LRRTM3: variants seen among roughly 807,000 people sequenced by gnomAD.
The protein encoded by LRRTM3 is leucine rich repeat transmembrane neuronal 3, also known as leucine-rich repeat transmembrane neuronal protein 3.
LRRTM3 carries 24 observed loss-of-function variants against 44.7 expected under a neutral mutation model. The observed-to-expected ratio is 0.54, with a 90% CI of 0.39 to 0.76. The LOEUF (loss-of-function observed/expected upper bound fraction) is 0.76. Ranked by LOEUF, LRRTM3 falls within the 30% of genes least tolerant of loss-of-function variation. The pLI is 0.00. For missense variants in LRRTM3, 587 were observed against 702.2 expected, an observed-to-expected ratio of 0.84 and a Z score of 1.85; for synonymous variants, 277 against 278.7, an observed-to-expected ratio of 0.99 and a Z score of 0.06.
At chr10:67,059,976 T>G (rs2133214888) in intron 2 of LRRTM3, among the ~76,000 whole-genome samples, 1 of 152,228 alleles carries the variant, frequency 6.6e-6, no homozygotes, top group East Asian at 1.9e-4. Context: ...GAGATAAAAT[T>G]AGCACTAATA....
chr10:67,061,358 A>G (rs1005776657), intron 2 of LRRTM3, among the ~76,000 whole-genome samples: 1 of 152,196 alleles, frequency 6.6e-6, no homozygotes, highest in Non-Finnish European at 1.5e-5. Flanking sequence ...CACTATTTAC[A>G]AAATAGAAAC....
intron 2 of LRRTM3, among the ~76,000 whole-genome samples, chr10:67,056,289 G>A (rs1855424166): frequency 6.6e-6 from 1 of 152,136 alleles, no homozygotes; most frequent in Admixed American, 6.6e-5. Context: ...ATATGTTTGG[G>A]AATTCCTTTG....
intron 2 of LRRTM3, among the ~76,000 whole-genome samples, chr10:67,058,432 T>C (rs1276449073): frequency 1.3e-5 from 2 of 152,238 alleles, no homozygotes; most frequent in African/African-American, 2.4e-5. Flanking sequence ...TGTAAATCAC[T>C]ACTTTAAAAC....
At chr10:67,021,534 T>TA (rs1554899329) in intron 2 of LRRTM3, among the ~76,000 whole-genome samples, 1 of 152,010 alleles carries the variant, frequency 6.6e-6, no homozygotes, top group African/African-American at 2.4e-5. Flanking sequence ...AAAATTACAA[T>TA]AAAAAATTTG....
chr10:66,949,760 C>T (rs1420724637), intron 2 of LRRTM3, among the ~76,000 whole-genome samples: 1 of 152,174 alleles, frequency 6.6e-6, no homozygotes, highest in Non-Finnish European at 1.5e-5. Context: ...ACACAGGCAG[C>T]AGCCTCCAAT....
intron 2 of LRRTM3, among the ~76,000 whole-genome samples, chr10:66,988,245 A>G (rs920175917): frequency 6.6e-6 from 1 of 152,102 alleles, no homozygotes; most frequent in African/African-American, 2.4e-5. Flanking sequence ...ATACTACCTC[A>G]CAGGATCATT....
chr10:67,093,209 C>A (rs565675033), intron 2 of LRRTM3, among the ~76,000 whole-genome samples: 47 of 151,918 alleles, frequency 3.1e-4, no homozygotes, highest in African/African-American at 9.9e-4. Flanking sequence ...GAAGCAAATG[C>A]CTTATTAGAT....
rs1858162685 is a variant in LRRTM3 at position 67,098,788 on chromosome 10, T to C, written c.*992T>C. The stretch of plus-strand genomic sequence containing the variant: ...AAGGTGGGAGTATAGTGCATAATAA[T>C]TGTACAGTAGCAATTTTTATCCTAA... On this transcript the variant is annotated 3_prime_UTR_variant, in exon 3 of 3. Coordinates refer to ENST00000361320, the MANE Select transcript of LRRTM3 (RefSeq NM_178011.5). 6.6e-6 allele frequency: 1 copy of C among 151,954 alleles called. No homozygotes were observed. Among genetic ancestry groups the C allele is most frequent in the East Asian group, 1.9e-4 (1 of 5,166 alleles). 9.4% of individuals were successfully genotyped at this position (151,954 alleles called of 1,614,324 possible).
chr10:66,951,920 T>A (rs1266053877), intron 2 of LRRTM3, among the ~76,000 whole-genome samples: 1 of 152,164 alleles, frequency 6.6e-6, no homozygotes, highest in Non-Finnish European at 1.5e-5. Flanking sequence ...TGAACCTTCA[T>A]CTTTAATGGA....
chr10:67,004,731 T>G (rs1589586435), intron 2 of LRRTM3, among the ~76,000 whole-genome samples: 1 of 152,340 alleles, frequency 6.6e-6, no homozygotes, highest in South Asian at 2.1e-4. Flanking sequence ...CCTTTTTAAC[T>G]TATATCATGT....
intron 2 of LRRTM3, among the ~76,000 whole-genome samples, chr10:67,065,938 CAAA>C (rs10714806): frequency 6.8e-6 from 1 of 148,076 alleles, no homozygotes. Context: ...GGCTGCCATT[CAAA>C]AAAAAAAAAT....
At chr10:67,005,682 C>CTTTTTTTTTTTTTTTTTG (rs1851928857) in intron 2 of LRRTM3, among the ~76,000 whole-genome samples, 1 of 61,976 alleles carries the variant, frequency 1.6e-5, no homozygotes, top group African/African-American at 5.4e-5. Flanking sequence ...TTTACTCCAT[C>CTTTTTTTTTTTTTTTTTG]TTTTTTTTTT....
At chr10:67,063,410 A>G (rs906646647) in intron 2 of LRRTM3, among the ~76,000 whole-genome samples, 2 of 152,210 alleles carry the variant, frequency 1.3e-5, no homozygotes, top group Non-Finnish European at 2.9e-5. Context: ...AGGGGTCTCA[A>G]TCAGGAGTTA....
At chr10:67,042,773 G>A (rs1028815579) in intron 2 of LRRTM3, among the ~76,000 whole-genome samples, 3 of 152,086 alleles carry the variant, frequency 2.0e-5, no homozygotes, top group Non-Finnish European at 4.4e-5. Flanking sequence ...GCTGGATTCA[G>A]AACAAAGAAG....
chr10:66,928,417 T>A lies in LRRTM3; in HGVS notation c.1501T>A (p.Cys501Ser). The A allele has an allele frequency of 6.2e-7, 1 of 1,612,966 alleles. No homozygotes were observed. The highest frequency in any genetic ancestry group is 8.5e-7 in the Non-Finnish European group (1 of 1,179,616). Residue 501 changes from cysteine to serine, a missense_variant, in exon 2 of 3, where the codon TGC (cysteine) becomes AGC (serine). Physicochemically the swap from Cys to Ser is moderately radical, Grantham distance 112. Coordinates refer to ENST00000361320, the MANE Select transcript of LRRTM3 (RefSeq NM_178011.5). Reference protein sequence around the residue: ...SEMLLNGTGPCTYNKSGSREC... With the variant: ...SEMLLNGTGPSTYNKSGSREC... ...GATGCTGCTGAATGGGACGGGACCCTGCACCTATAACAAATCGGGCTCCAG... is the reference window on the plus strand; with the variant it reads ...GATGCTGCTGAATGGGACGGGACCCAGCACCTATAACAAATCGGGCTCCAG...
chr10:66,940,733 A>G (rs1847951216), intron 2 of LRRTM3, among the ~76,000 whole-genome samples: 1 of 152,126 alleles, frequency 6.6e-6, no homozygotes, highest in Non-Finnish European at 1.5e-5. Flanking sequence ...CAATGGCTAA[A>G]TTATTCCCAT....
intron 2 of LRRTM3, among the ~76,000 whole-genome samples, chr10:66,956,360 T>A (rs1848792081): frequency 6.6e-6 from 1 of 151,886 alleles, no homozygotes; most frequent in East Asian, 1.9e-4. Context: ...GGGAGTAAAT[T>A]GAGCCTTAAT....
chr10:66,996,630 G>C (rs1199564609), intron 2 of LRRTM3, among the ~76,000 whole-genome samples: 1 of 111,322 alleles, frequency 9.0e-6, no homozygotes, highest in African/African-American at 3.4e-5. Context: ...CTGGGTGAGA[G>C]AGTGAGACTC....
At chr10:67,094,153 C>T (rs1298439336) in intron 2 of LRRTM3, among the ~76,000 whole-genome samples, 1 of 151,896 alleles carries the variant, frequency 6.6e-6, no homozygotes, top group Non-Finnish European at 1.5e-5. Context: ...AAGACTTGCT[C>T]TGACAAAGAA....
Sources: allele counts gnomAD v4.1 joint callset (sites outside exome capture counted in the v4.1 genomes callset), GRCh38; gene constraint gnomAD v4.1.1; transcripts MANE v1.5; gene names NCBI Gene and HGNC (gene_info 2026-07-23, HGNC 2026-07-21).